Variants in TASP1 observed in about 807,000 individuals in gnomAD.
TASP1 encodes threonine aspartase 1.
A neutral mutation model predicts 56.6 loss-of-function variants in TASP1; 16 were observed. That is an observed-to-expected ratio of 0.28 (90% CI 0.19 to 0.43). The LOEUF (loss-of-function observed/expected upper bound fraction) is 0.43, where lower values mean the gene tolerates loss of function less well. Ranked by LOEUF, TASP1 falls within the 20% of genes least tolerant of loss-of-function variation. The pLI is 1.00. For missense variants in TASP1, 393 were observed against 511.6 expected (o/e 0.77, Z 2.24); for synonymous variants, 179 against 184.2 (o/e 0.97, Z 0.23).
At position 13,534,791 on chromosome 20, in the gene TASP1, T is replaced by G. The variant is rs572069529; in HGVS notation, c.676-650A>C. Among the ~76,000 whole-genome samples the G allele has an allele frequency of 1.1e-4, 16 of 152,314 alleles. No individual in the cohort carries two copies. In the East Asian group the frequency reaches 3.1e-3, roughly 29 times the overall value. ...TCAATGTTTTGTCCCAGGTCCCACA[T>G]GTTTAAGGCACATAGTGATATTTAC... On this transcript the variant is annotated intron_variant, in intron 8 of 13. Transcript: ENST00000337743.
chr20:13,342,662 A>G, the TASP1 span, among the ~76,000 whole-genome samples: 1 of 152,200 alleles, frequency 6.6e-6, no homozygotes, highest in Non-Finnish European at 1.5e-5. Context: ...CGGAACTCCC[A>G]GCCCTCAGAT....
At chr20:13,537,289 T>C (rs555197220) in intron 8 of TASP1, among the ~76,000 whole-genome samples, 47 of 152,272 alleles carry the variant, frequency 3.1e-4, no homozygotes, top group Non-Finnish European at 5.3e-4. Context: ...TAAAGAATCC[T>C]GTTCCAAATT....
the TASP1 span, among the ~76,000 whole-genome samples, chr20:13,370,711 T>C: frequency 6.6e-6 from 1 of 152,130 alleles, no homozygotes; most frequent in Non-Finnish European, 1.5e-5. Context: ...AATGAGGTCA[T>C]TAGAGTGGAC....
chr20:13,414,697 GT>G (rs1174162907), intron 13 of TASP1, among the ~76,000 whole-genome samples: 2 of 151,998 alleles, frequency 1.3e-5, no homozygotes, highest in African/African-American at 2.4e-5. Context: ...CGGACAATCT[GT>G]TTTTAAAATC....
At chr20:13,554,807 C>T (rs1250553679) in intron 8 of TASP1, among the ~76,000 whole-genome samples, 1 of 152,132 alleles carries the variant, frequency 6.6e-6, no homozygotes, top group East Asian at 1.9e-4. Flanking sequence ...TCATCTGAAC[C>T]TTCAGCAAGC....
At chr20:13,632,501 C>T (rs1017744137) in intron 1 of TASP1, among the ~76,000 whole-genome samples, 4 of 152,066 alleles carry the variant, frequency 2.6e-5, no homozygotes, top group East Asian at 1.9e-4. Context: ...TGCTTCTCAA[C>T]GTTGTCTAAA....
chr20:13,519,247 ATAGGATC>A (rs2044647503), intron 10 of TASP1, among the ~76,000 whole-genome samples: 1 of 152,180 alleles, frequency 6.6e-6, no homozygotes, highest in Admixed American at 6.6e-5. Context: ...GACCTGGGTG[ATAGGATC>A]AATCGTACCA....
At chr20:13,472,823 AGT>A (rs1285652456) in intron 11 of TASP1, among the ~76,000 whole-genome samples, 2 of 151,290 alleles carry the variant, frequency 1.3e-5, no homozygotes, top group African/African-American at 4.9e-5. Flanking sequence ...ATCATTAAAA[AGT>A]CAGGAAACAA....
chr20:13,597,954 A>G (rs1352612002), intron 4 of TASP1, among the ~76,000 whole-genome samples: 2 of 152,200 alleles, frequency 1.3e-5, no homozygotes, highest in African/African-American at 2.4e-5. Flanking sequence ...AGAATAAAAT[A>G]CCTAGGAATC....
chr20:13,550,145 CAT>C (rs1281421892), intron 8 of TASP1, among the ~76,000 whole-genome samples: 2 of 135,262 alleles, frequency 1.5e-5, no homozygotes, highest in African/African-American at 2.9e-5. Flanking sequence ...AATATATACA[CAT>C]ACACACACAC....
At chr20:13,209,977 G>A in the TASP1 span, among the ~76,000 whole-genome samples, 2 of 152,166 alleles carry the variant, frequency 1.3e-5, no homozygotes, top group Non-Finnish European at 2.9e-5. Flanking sequence ...TACTCTGAAG[G>A]AAAGTTTCCT....
chr20:13,634,338 G>A (rs1338609857), intron 1 of TASP1, among the ~76,000 whole-genome samples: 1 of 152,198 alleles, frequency 6.6e-6, no homozygotes, highest in South Asian at 2.1e-4. Context: ...AATCTAAAGA[G>A]ACAGACGGTA....
At chr20:13,514,131 T>G (rs2044436757) in intron 10 of TASP1, among the ~76,000 whole-genome samples, 1 of 152,174 alleles carries the variant, frequency 6.6e-6, no homozygotes, top group Admixed American at 6.6e-5. Context: ...CTATCTTAGC[T>G]ATACTGCAGT....
At chr20:13,503,527 T>G (rs909629938) in intron 10 of TASP1, among the ~76,000 whole-genome samples, 2 of 152,114 alleles carry the variant, frequency 1.3e-5, no homozygotes, top group African/African-American at 4.8e-5. Flanking sequence ...TTGCTTCAAC[T>G]GCAAAGCCAG....
intron 11 of TASP1, among the ~76,000 whole-genome samples, chr20:13,476,119 CAAAT>C (rs1261472961): frequency 6.6e-6 from 1 of 152,070 alleles, no homozygotes; most frequent in Non-Finnish European, 1.5e-5. Context: ...AACTCCATCT[CAAAT>C]AAATAAATAA....
chr20:13,392,828 C>G (rs2041343173), intron 13 of TASP1: 8 of 650,864 alleles, frequency 1.2e-5, no homozygotes, highest in South Asian at 1.1e-4. Flanking sequence ...TATGATTCCA[C>G]CCATGGCAAA....
At chr20:13,126,768 T>C in the TASP1 span, 3 of 1,601,278 alleles carry the variant, frequency 1.9e-6, no homozygotes, top group African/African-American at 1.3e-5. Flanking sequence ...GTCTCCCTTC[T>C]GCCTCATTAA....
At chr20:13,612,325 C>G (rs2048373019) in intron 4 of TASP1, among the ~76,000 whole-genome samples, 1 of 152,054 alleles carries the variant, frequency 6.6e-6, no homozygotes, top group African/African-American at 2.4e-5. Context: ...TCAGAGTCCA[C>G]AGGAAGTCAT....
At chr20:13,607,621 A>G (rs2048205192) in intron 4 of TASP1, among the ~76,000 whole-genome samples, 1 of 152,256 alleles carries the variant, frequency 6.6e-6, no homozygotes, top group African/African-American at 2.4e-5. Flanking sequence ...AGACATTAAC[A>G]GGAAATTACT....
Sources: allele counts gnomAD v4.1 joint callset (sites outside exome capture counted in the v4.1 genomes callset), GRCh38; gene constraint gnomAD v4.1.1; transcripts MANE v1.5; gene names NCBI Gene and HGNC (gene_info 2026-07-23, HGNC 2026-07-21).